The following AVEN variants were observed in gnomAD, a reference collection of about 807,000 sequenced individuals.
AVEN encodes the protein apoptosis and caspase activation inhibitor.
AVEN carries 41 observed loss-of-function variants against 38.1 expected under a neutral mutation model. The observed-to-expected ratio is 1.08, with a 90% confidence interval of 0.84 to 1.40. AVEN has a LOEUF of 1.40. AVEN is among the 40% of genes most tolerant of loss of function. The pLI, the probability that AVEN is intolerant of heterozygous loss-of-function variation, is 0.00. For synonymous variants in AVEN, 206 were observed against 171.8 expected, an observed-to-expected ratio of 1.20 and a Z score of -1.56; for missense variants, 605 against 438.8, an observed-to-expected ratio of 1.38 and a Z score of -3.38.
intron 2 of AVEN, among the ~76,000 whole-genome samples, chr15:33,893,931 G>C (rs527588830): frequency 6.6e-6 from 1 of 150,810 alleles, no homozygotes; most frequent in South Asian, 2.1e-4. Flanking sequence ...ATGAGAAGGA[G>C]GAGCAACCTT....
At chr15:34,057,659 T>G (rs1279950266) in intron 5 of AVEN, among the ~76,000 whole-genome samples, 2 of 152,166 alleles carry the variant, frequency 1.3e-5, no homozygotes, top group Non-Finnish European at 2.9e-5. Flanking sequence ...GAGCCATATG[T>G]TGTAGCCCAC....
At chr15:33,911,149 A>AAAATTT (rs1892903708) in intron 2 of AVEN, among the ~76,000 whole-genome samples, 1 of 152,176 alleles carries the variant, frequency 6.6e-6, no homozygotes, top group Non-Finnish European at 1.5e-5. Context: ...CAACTCCAGC[A>AAAATTT]CCACCACCTC....
At chr15:33,986,799 G>A (rs530869321) in intron 2 of AVEN, among the ~76,000 whole-genome samples, 1 of 152,142 alleles carries the variant, frequency 6.6e-6, no homozygotes, top group African/African-American at 2.4e-5. Context: ...TGGGACTACA[G>A]GCACGTGCCA....
chr15:34,052,369 G>A (rs1899954567), intron 5 of AVEN, among the ~76,000 whole-genome samples: 1 of 152,150 alleles, frequency 6.6e-6, no homozygotes, highest in South Asian at 2.1e-4. Context: ...AGCCACCTGT[G>A]ACAGACTCAC....
intron 1 of AVEN, among the ~76,000 whole-genome samples, chr15:34,024,983 G>C (rs1898389201): frequency 6.6e-6 from 1 of 151,934 alleles, no homozygotes; most frequent in African/African-American, 2.4e-5. Flanking sequence ...AGGATTTTGA[G>C]ACCAGTAGAG....
At chr15:33,860,947 G>C in intron 11 of AVEN, 1 of 736,816 alleles carries the variant, frequency 1.4e-6, no homozygotes, top group Non-Finnish European at 2.3e-6. Context: ...GCACTACTGA[G>C]TGAATGACTA....
chr15:33,957,609 G>C (rs1895005819), intron 2 of AVEN, among the ~76,000 whole-genome samples: 1 of 151,870 alleles, frequency 6.6e-6, no homozygotes, highest in Non-Finnish European at 1.5e-5. Flanking sequence ...CTGTCAACAG[G>C]AGAAATGATA....
chr15:33,917,610 G>C (rs1893201286), intron 2 of AVEN, among the ~76,000 whole-genome samples: 1 of 150,362 alleles, frequency 6.7e-6, no homozygotes, highest in African/African-American at 2.5e-5. Context: ...TACACACATG[G>C]AATATACATA....
chr15:34,036,021 C>G (rs903408899), intron 1 of AVEN, among the ~76,000 whole-genome samples: 34 of 152,076 alleles, frequency 2.2e-4, no homozygotes, highest in African/African-American at 7.7e-4. Context: ...GTCTCGAACT[C>G]CCAGACTCAA....
chr15:34,010,895 T>A (rs1341770748), intron 1 of AVEN, among the ~76,000 whole-genome samples: 2 of 152,238 alleles, frequency 1.3e-5, no homozygotes, highest in Non-Finnish European at 2.9e-5. Flanking sequence ...AGGTCATTTT[T>A]ATCTTATATA....
intron 1 of AVEN, among the ~76,000 whole-genome samples, chr15:34,003,643 A>C (rs1359512370): frequency 6.6e-6 from 1 of 152,232 alleles, no homozygotes; most frequent in African/African-American, 2.4e-5. Context: ...TTTTAGAGCA[A>C]TGAAAGTATG....
chr15:33,899,563 G>A (rs537598509), intron 2 of AVEN, among the ~76,000 whole-genome samples: 14 of 142,106 alleles, frequency 9.9e-5, no homozygotes, highest in Non-Finnish European at 1.8e-4. Flanking sequence ...TCCGCCTCCC[G>A]GGTTCATGCC....
At chr15:33,867,147 G>A (rs1191044586) in intron 5 of AVEN, among the ~76,000 whole-genome samples, 1 of 152,172 alleles carries the variant, frequency 6.6e-6, no homozygotes, top group Non-Finnish European at 1.5e-5. Flanking sequence ...CAAGAAAAAG[G>A]TATGAAGAGG....
At chr15:33,854,630 C>A (rs905628545), downstream of AVEN, 2 of 1,206,294 alleles carry the variant, frequency 1.7e-6, no homozygotes, top group South Asian at 1.5e-5. Context: ...CTTAGCAGAT[C>A]TTGGGCCAGC....
intron 1 of AVEN, among the ~76,000 whole-genome samples, chr15:34,034,076 C>T (rs1042356149): frequency 2.6e-5 from 4 of 152,154 alleles, no homozygotes; most frequent in Admixed American, 6.5e-5. Context: ...TGAGCCACTG[C>T]GCCCAGCCTA....
intron 2 of AVEN, among the ~76,000 whole-genome samples, chr15:33,925,238 C>T (rs1463460481): frequency 6.6e-6 from 1 of 152,166 alleles, no homozygotes; most frequent in Non-Finnish European, 1.5e-5. Flanking sequence ...AACCTAACAT[C>T]ATTTTTTGCA....
At chr15:33,976,917 C>T (rs888772180) in intron 2 of AVEN, among the ~76,000 whole-genome samples, 1 of 152,166 alleles carries the variant, frequency 6.6e-6, no homozygotes, top group Non-Finnish European at 1.5e-5. Flanking sequence ...GGTATAGTGA[C>T]ATCCTGGATG....
At chr15:34,054,895 A>G (rs1900070749) in intron 5 of AVEN, among the ~76,000 whole-genome samples, 1 of 152,196 alleles carries the variant, frequency 6.6e-6, no homozygotes, top group African/African-American at 2.4e-5. Flanking sequence ...ATTTTAAAAC[A>G]TCTTAAAAGT....
chr15:33,894,961 G>A (rs955374769), intron 2 of AVEN, among the ~76,000 whole-genome samples: 3 of 151,496 alleles, frequency 2.0e-5, no homozygotes, highest in Non-Finnish European at 2.9e-5. Flanking sequence ...ATTAAAAGGT[G>A]CCATCTGGAA....
Sources: gnomAD v4.1 joint callset for allele counts (sites outside exome capture counted in the v4.1 genomes callset) on GRCh38, gnomAD v4.1.1 for gene constraint, MANE v1.5 for transcripts, NCBI Gene and HGNC (gene_info 2026-07-23, HGNC 2026-07-21) for gene names.